Variants in PRKN observed in about 807,000 individuals in gnomAD.
The protein encoded by PRKN is E3 ubiquitin-protein ligase parkin.
PRKN carries 56 observed loss-of-function variants against 59.5 expected under a neutral mutation model. The ratio of observed to expected loss-of-function variants is 0.94; its 90% CI spans 0.76 to 1.18. The LOEUF (loss-of-function observed/expected upper bound fraction) is 1.18. Among genes scored for constraint, PRKN ranks in the 50% most tolerant of loss-of-function variants. The probability of loss-of-function intolerance (pLI) is 0.00; values close to 1 mark genes in which losing one functional copy is unlikely to be tolerated. For synonymous variants in PRKN, 250 were observed against 222.1 expected (o/e 1.13, Z -1.12); for missense variants, 657 against 596.4 (o/e 1.10, Z -1.06).
chr6:162,581,108 G>A (rs1780773431), intron 1 of PRKN, among the ~76,000 whole-genome samples: 1 of 152,060 alleles, frequency 6.6e-6, no homozygotes, highest in Non-Finnish European at 1.5e-5. Context: ...GCTGTCACAA[G>A]GCTAATAAAA....
chr6:161,682,136 G>A (rs1044004056), intron 7 of PRKN, among the ~76,000 whole-genome samples: 1 of 152,196 alleles, frequency 6.6e-6, no homozygotes, highest in Non-Finnish European at 1.5e-5. Context: ...CATGGGAGGT[G>A]GCCAGGTGTC....
At position 161,369,876 on chromosome 6, in the gene PRKN, GGT is replaced by G; in HGVS notation, c.1168-9673_1168-9672del. 3.2e-6 allele frequency: 1 copy of G among 317,338 alleles called. No homozygotes were observed. Among genetic ancestry groups the G allele is most frequent in the Non-Finnish European group, 7.1e-6 (1 of 141,144 alleles). The allele number at this position is 317,338 out of a possible 1,614,324, so 19.7% of individuals were successfully genotyped here. A position where few individuals can be genotyped will look rare whatever the true frequency, so the allele number is the denominator to read the frequency against. On this transcript the variant is annotated intron_variant, in intron 10 of 11. Coordinates refer to ENST00000366898, the MANE Select transcript of PRKN (RefSeq NM_004562.3). The surrounding 1 kb of genome is among the most constrained non-coding windows in gnomAD (Gnocchi z 5.8). ...GAGAGAATCAAAATTCCCTCAGAAA[GGT>G]AAAGGCATGATCGTCCATCTGTGGC...
chr6:161,791,864 CT>C (rs1790651018), intron 6 of PRKN, among the ~76,000 whole-genome samples: 2 of 152,220 alleles, frequency 1.3e-5, no homozygotes, highest in South Asian at 2.1e-4. Context: ...AATGGATTGA[CT>C]CACATGCAAT....
At chr6:161,804,137 C>A (rs891140929) in intron 6 of PRKN, among the ~76,000 whole-genome samples, 3 of 152,190 alleles carry the variant, frequency 2.0e-5, no homozygotes, top group Middle Eastern at 3.2e-3. Context: ...GGCTGAGCAG[C>A]ACAAGGGTTC....
chr6:161,971,805 C>A (rs985665845), intron 6 of PRKN, among the ~76,000 whole-genome samples: 3 of 152,196 alleles, frequency 2.0e-5, no homozygotes, highest in African/African-American at 7.2e-5. Context: ...TGAATATTTG[C>A]TTATCACGAA....
intron 2 of PRKN, among the ~76,000 whole-genome samples, chr6:162,387,549 C>CAA (rs1562722991): frequency 2.0e-4 from 15 of 75,384 alleles, no homozygotes; most frequent in Non-Finnish European, 2.7e-4. Context: ...CACACACACA[C>CAA]ACACACAGAG....
chr6:161,668,387 C>A (rs1000993884), intron 7 of PRKN, among the ~76,000 whole-genome samples: 1 of 151,698 alleles, frequency 6.6e-6, no homozygotes, highest in Non-Finnish European at 1.5e-5. Flanking sequence ...CTCTTAAATA[C>A]AATGCAAAAT....
chr6:162,602,399 G>A (rs1333052246), intron 1 of PRKN, among the ~76,000 whole-genome samples: 1 of 152,210 alleles, frequency 6.6e-6, no homozygotes, highest in Non-Finnish European at 1.5e-5. Flanking sequence ...TGAGGGTAAT[G>A]AGGGGAGGCC....
intron 9 of PRKN, among the ~76,000 whole-genome samples, chr6:161,455,038 A>T (rs1398965419): frequency 1.4e-5 from 2 of 147,744 alleles, no homozygotes; most frequent in Non-Finnish European, 3.0e-5. Flanking sequence ...TTAATTTGAC[A>T]CGTGTTTTTT....
chr6:161,847,570 CTTT>C (rs1793251604), intron 6 of PRKN, among the ~76,000 whole-genome samples: 1 of 147,234 alleles, frequency 6.8e-6, no homozygotes, highest in Non-Finnish European at 1.5e-5. Flanking sequence ...TTTACCTGTA[CTTT>C]TTTAGATTTT....
chr6:162,680,338 GTA>G (rs1446985797), intron 1 of PRKN, among the ~76,000 whole-genome samples: 4 of 150,622 alleles, frequency 2.7e-5, no homozygotes, highest in African/African-American at 9.7e-5. Context: ...TATATGTACT[GTA>G]TGTGTGTGTA....
intron 1 of PRKN, among the ~76,000 whole-genome samples, chr6:162,629,620 T>G (rs1192251080): frequency 6.6e-6 from 1 of 152,190 alleles, no homozygotes; most frequent in African/African-American, 2.4e-5. Flanking sequence ...AGTCAACATT[T>G]TAAAATTCTT....
intron 4 of PRKN, among the ~76,000 whole-genome samples, chr6:162,059,624 C>G (rs996057105): frequency 1.3e-5 from 2 of 152,104 alleles, no homozygotes; most frequent in Non-Finnish European, 2.9e-5. Flanking sequence ...GATGATAATA[C>G]GTCAATTAGA....
At chr6:162,199,569 T>G (rs764312704) in intron 4 of PRKN, among the ~76,000 whole-genome samples, 11 of 152,116 alleles carry the variant, frequency 7.2e-5, no homozygotes, top group Non-Finnish European at 1.5e-4. Flanking sequence ...GGTTGTGTCT[T>G]GTGTTGAGAA....
chr6:161,530,855 C>T lies in PRKN; in HGVS notation c.1083+17999G>A, dbSNP rs374433737. Among the ~76,000 whole-genome samples, 2 of 152,128 alleles carry T rather than the reference C, an allele frequency of 1.3e-5. No homozygotes were observed. Among genetic ancestry groups the T allele is most frequent in the South Asian group, 4.1e-4 (2 of 4,820 alleles). On this transcript the variant is annotated intron_variant, in intron 9 of 11. Coordinates refer to ENST00000366898, the MANE Select transcript of PRKN (RefSeq NM_004562.3). This position sits in a 1 kb window ranked among gnomAD's most constrained non-coding sequence, Gnocchi z 5.0. ...CTTTTAAGAGAAAAAGGCTGTCATG[C>T]TGCTCTACTTCAGAGAACAGACCAA...
At chr6:161,599,175 A>G (rs919714617) in intron 7 of PRKN, among the ~76,000 whole-genome samples, 1 of 152,218 alleles carries the variant, frequency 6.6e-6, no homozygotes, top group Non-Finnish European at 1.5e-5. Context: ...CTCCCAGGAC[A>G]ATGAGACAGT....
chr6:162,361,838 G>A lies in PRKN; in HGVS notation c.171+81472C>T, dbSNP rs1216933978. Among the ~76,000 whole-genome samples, 3 of 152,250 alleles carry A rather than the reference G, an allele frequency of 2.0e-5. No individual in the cohort carries two copies. The East Asian group carries it at 5.8e-4, about 29-fold the overall frequency. ...CAGTCTCTGTAAATACGTGCAGCCT[G>A]ATATCAAAGCAAACCTTGAGGCCAT... On this transcript the variant is annotated intron_variant, in intron 2 of 11. Coordinates refer to ENST00000366898, the MANE Select transcript of PRKN (RefSeq NM_004562.3).
At chr6:162,271,714 C>T (rs1231395035) in intron 2 of PRKN, among the ~76,000 whole-genome samples, 8 of 152,092 alleles carry the variant, frequency 5.3e-5, no homozygotes, top group African/African-American at 1.9e-4. Context: ...TATTTTTTCA[C>T]TTGAACTCCA....
intron 4 of PRKN, among the ~76,000 whole-genome samples, chr6:162,082,958 AT>A (rs1779116540): frequency 6.6e-6 from 1 of 152,102 alleles, no homozygotes; most frequent in African/African-American, 2.4e-5. Flanking sequence ...ATTAGAATAA[AT>A]TTCATTCTTT....
Sources: allele counts gnomAD v4.1 joint callset (sites outside exome capture counted in the v4.1 genomes callset), GRCh38; gene constraint gnomAD v4.1.1; non-coding constraint Gnocchi (gnomAD v3.1); transcripts MANE v1.5; gene names NCBI Gene and HGNC (gene_info 2026-07-23, HGNC 2026-07-21).